Variants in ABCC1 observed in about 807,000 individuals in gnomAD.
ABCC1 encodes multidrug resistance-associated protein 1.
In ABCC1, 83 loss-of-function variants were observed where a neutral mutation model predicts 172.9. The observed-to-expected ratio is 0.48, with a 90% CI of 0.40 to 0.58. ABCC1 has a LOEUF of 0.58. Ranked by LOEUF, ABCC1 falls within the 20% of genes least tolerant of loss-of-function variation. The pLI, the probability that ABCC1 is intolerant of heterozygous loss-of-function variation, is 0.00. For missense variants in ABCC1, 1,817 were observed against 2,002.7 expected, an observed-to-expected ratio of 0.91 and a Z score of 1.77; for synonymous variants, 937 against 825.2, an observed-to-expected ratio of 1.14 and a Z score of -2.32.
chr16:16,139,611 C>CAAAAAAAAAA (rs386384360), intron 30 of ABCC1, among the ~76,000 whole-genome samples: 13 of 57,324 alleles, frequency 2.3e-4, no homozygotes, highest in African/African-American at 4.0e-4. Context: ...GACTCCATCT[C>CAAAAAAAAAA]AAAAAAAAAA....
chr16:16,033,153 C>T lies in ABCC1; in HGVS notation c.660C>T (p.Thr220=). Reference sequence around the variant, plus strand: ...GCGCTTCCTTCCTGTCGAGGATCACCTTCTGGTGGATCACAGGGTAAGGCC... The same window carrying T: ...GCGCTTCCTTCCTGTCGAGGATCACTTTCTGGTGGATCACAGGGTAAGGCC... ...ESSASFLSRI[T]FWWITGLIVR... is the part of the protein sequence containing the mutation. The change falls in exon 6 of 31, where the codon ACC becomes ACT. Residue 220 remains threonine (T), a synonymous_variant. Transcript: ENST00000399410. 1 of 1,614,200 alleles carries T rather than the reference C, an allele frequency of 6.2e-7. No individual in the cohort carries two copies. Among genetic ancestry groups the T allele is most frequent in the South Asian group, 1.1e-5 (1 of 91,086 alleles).
intron 5 of ABCC1, among the ~76,000 whole-genome samples, chr16:16,022,206 G>A (rs904451473): frequency 1.3e-5 from 2 of 152,158 alleles, no homozygotes; most frequent in East Asian, 1.9e-4. Context: ...AGGCCACTTC[G>A]TGCTGAGTCA....
chr16:16,098,641 C>G (rs2051587906), intron 19 of ABCC1, among the ~76,000 whole-genome samples: 1 of 152,096 alleles, frequency 6.6e-6, no homozygotes, highest in South Asian at 2.1e-4. Flanking sequence ...AAAAACCCAA[C>G]ACAGTTATGA....
chr16:16,137,856 AT>A (rs892724130), intron 29 of ABCC1, among the ~76,000 whole-genome samples: 7 of 144,184 alleles, frequency 4.9e-5, no homozygotes, highest in South Asian at 2.2e-4. Flanking sequence ...CCCGGCTCTT[AT>A]TTTTTTTTTA....
intron 12 of ABCC1, among the ~76,000 whole-genome samples, chr16:16,059,674 G>A (rs531765077): frequency 6.6e-6 from 1 of 152,054 alleles, no homozygotes; most frequent in African/African-American, 2.4e-5. Context: ...AAGTGGTGGT[G>A]CGCACCTGTG....
chr16:16,046,189 G>A (rs1341129298), intron 9 of ABCC1, among the ~76,000 whole-genome samples, 176 bp downstream of exon 9: 1 of 152,150 alleles, frequency 6.6e-6, no homozygotes, highest in African/African-American at 2.4e-5. Flanking sequence ...TGTACGTTAG[G>A]AAAGCTGATT....
At chr16:16,046,092 G>T (rs953826116) in intron 9 of ABCC1, 79 bp downstream of exon 9, 1 of 1,506,432 alleles carries the variant, frequency 6.6e-7, no homozygotes. Context: ...TGGGGCCAGC[G>T]TGGGGATTTC....
chr16:16,098,973 G>A, intron 19 of ABCC1: 1 of 1,284,088 alleles, frequency 7.8e-7, no homozygotes, highest in South Asian at 1.2e-5. Context: ...GACTGTCGCT[G>A]CATGTCTGGG....
chr16:16,070,353 G>A (rs1249118903), intron 13 of ABCC1, among the ~76,000 whole-genome samples: 1 of 151,092 alleles, frequency 6.6e-6, no homozygotes, highest in African/African-American at 2.4e-5. Flanking sequence ...GGGCAACAGA[G>A]CAAGACTCTG....
chr16:16,019,831 C>T (rs987118549), intron 5 of ABCC1, among the ~76,000 whole-genome samples: 20 of 152,126 alleles, frequency 1.3e-4, no homozygotes, highest in African/African-American at 4.1e-4. Flanking sequence ...CTGGGACACC[C>T]TGACTCTTCT....
chr16:16,118,715 C>G (rs1286266327), intron 23 of ABCC1, among the ~76,000 whole-genome samples: 1 of 151,728 alleles, frequency 6.6e-6, no homozygotes, highest in Non-Finnish European at 1.5e-5. Context: ...CTGTCGTTAT[C>G]ACCGAGATGA....
At chr16:16,138,176 T>C (rs1245327875) in intron 29 of ABCC1, among the ~76,000 whole-genome samples, 188 bp from the exon 30 acceptor site, 2 of 152,130 alleles carry the variant, frequency 1.3e-5, no homozygotes, top group African/African-American at 4.8e-5. Flanking sequence ...ACCTGCATCT[T>C]GCTGAATAGG....
intron 5 of ABCC1, among the ~76,000 whole-genome samples, chr16:16,032,295 G>A (rs1191445701): frequency 6.6e-6 from 1 of 152,194 alleles, no homozygotes; most frequent in Non-Finnish European, 1.5e-5. Flanking sequence ...GCAAAACAGG[G>A]ATGATATAAT....
chr16:16,039,930 G>A (rs8055510), intron 7 of ABCC1, among the ~76,000 whole-genome samples: 19,974 of 152,104 alleles, frequency 0.13, 1,526 homozygotes, highest in Admixed American at 0.17. Context: ...AGAAAGGGAG[G>A]AGATGAAGCA....
chr16:16,077,375 C>G (rs950223967), intron 15 of ABCC1, among the ~76,000 whole-genome samples: 3 of 152,204 alleles, frequency 2.0e-5, no homozygotes, highest in African/African-American at 7.2e-5. Context: ...CTGCCTGCTT[C>G]AATTGTAGCT....
Position 16,009,740 on chromosome 16 carries a change from G to T in ABCC1, c.226-36G>T, listed in dbSNP as rs540604752. ...CAGGCCCTGGGGGAGGTTCCAGGGC[G>T]GTCTGTTGTAGGATATGTATGTGCT... On this transcript the variant is annotated intron_variant, in intron 2 of 30. Coordinates refer to ENST00000399410, the MANE Select transcript of ABCC1 (RefSeq NM_004996.4). 7.8e-6 allele frequency: 12 copies of T among 1,548,312 alleles called. No individual in the cohort carries two copies. The South Asian group carries it at 1.2e-4, about 16-fold the overall frequency.
At chr16:15,985,484 G>A (rs1342462687) in intron 1 of ABCC1, among the ~76,000 whole-genome samples, 1 of 150,522 alleles carries the variant, frequency 6.6e-6, no homozygotes, top group South Asian at 2.1e-4. Context: ...TGCTTTTGTT[G>A]CCCAGGCTGG....
intron 8 of ABCC1, 47 bp from the exon 9 acceptor site, chr16:16,045,789 C>A (rs1416062528): frequency 6.3e-7 from 1 of 1,589,860 alleles, no homozygotes; most frequent in Admixed American, 1.7e-5. Context: ...CTTCCCTGCC[C>A]CCACGTGTCA....
chr16:16,084,630 CT>C (rs34549440), intron 17 of ABCC1, among the ~76,000 whole-genome samples: 32,718 of 123,152 alleles, frequency 0.27, 4,018 homozygotes, highest in African/African-American at 0.38. Flanking sequence ...TCTCAAAGTT[CT>C]TTTTTTTTTT....
Sources: gnomAD v4.1 joint callset for allele counts (sites outside exome capture counted in the v4.1 genomes callset) on GRCh38, gnomAD v4.1.1 for gene constraint, MANE v1.5 for transcripts, NCBI Gene and HGNC (gene_info 2026-07-23, HGNC 2026-07-21) for gene names.